Variants in OTOG observed in about 807,000 individuals in gnomAD.
OTOG encodes otogelin.
Under a neutral mutation model 313.8 loss-of-function variants are expected in OTOG, and 296 were observed. That is an observed-to-expected ratio of 0.94 (90% CI 0.86 to 1.04). The LOEUF (loss-of-function observed/expected upper bound fraction) is 1.04, where lower values mean the gene tolerates loss of function less well. Among genes scored for constraint, OTOG ranks in the 50% least tolerant of loss-of-function variants. OTOG has a pLI of 0.00. For synonymous variants in OTOG, 1,533 were observed against 1,554.9 expected (o/e 0.99, Z 0.33); for missense variants, 3,948 against 3,840.1 (o/e 1.03, Z -0.74).
chr11:17,641,767 C>A, intron 51 of OTOG, 80 bp from the exon 52 acceptor site: 1 of 1,020,022 alleles, frequency 9.8e-7, no homozygotes, highest in Non-Finnish European at 1.4e-6. Context: ...GCTCTGGGAT[C>A]CCTCACAGAT....
chr11:17,612,733 G>A lies in OTOG; in HGVS notation c.6406G>A (p.Val2136Ile), dbSNP rs1420960073. Residue 2136 changes from valine (V) to isoleucine (I), a missense_variant, in exon 38 of 56, where the codon GTC becomes ATC. Val to Ile is a conservative substitution (Grantham distance 29). Coordinates refer to ENST00000399397, the MANE Select transcript of OTOG (RefSeq NM_001292063.2). ...LSQSPDEMLT[V>I]HVLDCKSANL... The stretch of plus-strand genomic sequence containing the variant: ...CCAGAGCCCAGATGAAATGCTCACC[G>A]TCCATGTACTGGACTGCAAAAGTGC... 39 of 1,550,440 alleles carry A rather than the reference G, an allele frequency of 2.5e-5. No homozygotes were observed. Among genetic ancestry groups the A allele is most frequent in the Middle Eastern group, 3.3e-4 (2 of 6,014 alleles).
intron 39 of OTOG, among the ~76,000 whole-genome samples, chr11:17,619,516 C>T (rs1027296259): frequency 6.6e-6 from 1 of 151,942 alleles, no homozygotes; most frequent in Non-Finnish European, 1.5e-5. Flanking sequence ...TTAATGACTC[C>T]ATTTCATCTC....
chr11:17,590,542 C>T (rs1332774471), intron 24 of OTOG, among the ~76,000 whole-genome samples: 1 of 152,240 alleles, frequency 6.6e-6, no homozygotes, highest in Non-Finnish European at 1.5e-5. Flanking sequence ...CTTTCTGCTT[C>T]CCCTTGACCG....
In OTOG at chr11:17,569,258, C is replaced by T; in HGVS notation, c.1747C>T (p.Gln583Ter). 2 of 1,550,540 alleles carry T rather than the reference C, an allele frequency of 1.3e-6. No individual in the cohort carries two copies. Among genetic ancestry groups the T allele is most frequent in the Non-Finnish European group, 1.7e-6 (2 of 1,146,996 alleles). Reference protein sequence around the residue: ...TQAGDVLLFDQYKIIPPYTDD... With the variant: ...TQAGDVLLFD Reference sequence around the variant, plus strand: ...GGCAGGGGATGTCCTTCTGTTTGACCAGTACAAGATCATCCCGCCATACAC... The same window carrying T: ...GGCAGGGGATGTCCTTCTGTTTGACTAGTACAAGATCATCCCGCCATACAC... The change falls in exon 16 of 56, where the codon CAG (glutamine) becomes TAG (stop). Residue 583 changes from glutamine (Q) to a stop codon, truncating the protein, a stop_gained. Coordinates refer to ENST00000399397, the MANE Select transcript of OTOG (RefSeq NM_001292063.2). LOFTEE classifies it high-confidence loss of function.
At chr11:17,615,275 A>G (rs1853692250) in intron 39 of OTOG, among the ~76,000 whole-genome samples, 1 of 152,120 alleles carries the variant, frequency 6.6e-6, no homozygotes, top group Non-Finnish European at 1.5e-5. Flanking sequence ...ATCACATATA[A>G]ATCTAATTTT....
chr11:17,550,807 C>T (rs950992788), intron 3 of OTOG, among the ~76,000 whole-genome samples: 12 of 152,298 alleles, frequency 7.9e-5, no homozygotes, highest in Admixed American at 5.9e-4. Context: ...GTAAGGATTG[C>T]TCGGGAGAAC....
At chr11:17,560,981 C>G in intron 13 of OTOG, 110 bp from the exon 14 acceptor site, 1 of 1,316,034 alleles carries the variant, frequency 7.6e-7, no homozygotes, top group Non-Finnish European at 1.1e-6. Flanking sequence ...GAAATCTCTA[C>G]CACCCATTTT....
intron 33 of OTOG, 106 bp from the exon 34 acceptor site, chr11:17,608,190 C>T: frequency 1.4e-6 from 1 of 714,880 alleles, no homozygotes; most frequent in Non-Finnish European, 2.2e-6. Context: ...GCTTTCCCTG[C>T]ATGGGTCCAT....
chr11:17,551,198 A>G (rs1851923042), intron 3 of OTOG, among the ~76,000 whole-genome samples: 1 of 152,138 alleles, frequency 6.6e-6, no homozygotes, highest in African/African-American at 2.4e-5. Context: ...CTAAGGGAGG[A>G]GGAGCCAACT....
chr11:17,638,298 G>A (rs371499165), intron 47 of OTOG, among the ~76,000 whole-genome samples, 153 bp from the exon 48 acceptor site: 54 of 152,286 alleles, frequency 3.5e-4, no homozygotes, highest in African/African-American at 1.2e-3. Context: ...GGGAGACTTC[G>A]GGTGCCCAGA....
At chr11:17,606,639 C>T (rs1279556769) in intron 33 of OTOG, among the ~76,000 whole-genome samples, 3 of 152,232 alleles carry the variant, frequency 2.0e-5, no homozygotes, top group Non-Finnish European at 4.4e-5. Flanking sequence ...CAGGGCCTGC[C>T]CTGCCAGGTG....
chr11:17,557,280 G>T lies in OTOG; in HGVS notation c.822G>T (p.Gly274=). 6.4e-7 allele frequency: 1 copy of T among 1,550,534 alleles called. No homozygotes were observed. Among genetic ancestry groups the T allele is most frequent in the Non-Finnish European group, 8.7e-7 (1 of 1,146,970 alleles). ...ELLGWTHGLC[G]NNNADPKDDL... ...TGGGCTGGACCCATGGGCTGTGTGG[G>T]AACAACAATGCTGACCCCAAGGATG... The change falls in exon 8 of 56, where the codon GGG becomes GGT. Residue 274 remains glycine (G), a synonymous_variant. Transcript: ENST00000399397.
At position 17,632,883 on chromosome 11, in the gene OTOG, T is replaced by C. The variant is rs144817683; in HGVS notation, c.7072+657T>C. ...AAAGAGGAAAAGACAAAAGTCCTCT[T>C]GGGTCGTGTTCTTCAAACTGTGGAT... On this transcript the variant is annotated intron_variant, in intron 42 of 55. Transcript: ENST00000399397. 2.8e-3 allele frequency among the ~76,000 whole-genome samples: 433 copies of C among 152,310 alleles called. 2 individuals carry two copies. Among genetic ancestry groups the C allele is most frequent in the Middle Eastern group, 6.8e-3 (2 of 294 alleles).
At chr11:17,570,908 G>A (rs1852390470) in intron 17 of OTOG, among the ~76,000 whole-genome samples, 1 of 152,034 alleles carries the variant, frequency 6.6e-6, no homozygotes, top group Non-Finnish European at 1.5e-5. Context: ...TTTCCTACCT[G>A]GTACTTGAAG....
intron 39 of OTOG, among the ~76,000 whole-genome samples, chr11:17,616,740 A>G (rs1187805277): frequency 2.0e-5 from 3 of 152,192 alleles, no homozygotes; most frequent in African/African-American, 7.2e-5. Context: ...AACGTTACTA[A>G]GCTCAGTTAT....
chr11:17,591,358 G>A, intron 24 of OTOG, 92 bp from the exon 25 acceptor site: 2 of 1,496,050 alleles, frequency 1.3e-6, no homozygotes, highest in Non-Finnish European at 1.8e-6. Flanking sequence ...GGGACACAGT[G>A]CACATGCATT....
chr11:17,627,894 C>T (rs1017272741), intron 39 of OTOG, among the ~76,000 whole-genome samples: 1 of 152,052 alleles, frequency 6.6e-6, no homozygotes, highest in Non-Finnish European at 1.5e-5. Context: ...TGCTAATGAT[C>T]CTTTGAATTT....
intron 27 of OTOG, 86 bp from the exon 28 acceptor site, chr11:17,593,961 A>G: frequency 6.6e-7 from 1 of 1,514,050 alleles, no homozygotes; most frequent in Non-Finnish European, 8.9e-7. Flanking sequence ...GGTCTATGAT[A>G]GACTCCTGGG....
At position 17,586,572 on chromosome 11, in the gene OTOG, G is replaced by C; in HGVS notation, c.2858G>C (p.Cys953Ser). ...YFPGDQVMSP[C>S]HTCVCQRGSF... ...CCTGGGGACCAGGTGATGTCTCCTT[G>C]CCATACCTGGTAAGTGAGGGTCCCA... The change falls in exon 24 of 56, where the codon TGC becomes TCC. Residue 953 changes from cysteine (C) to serine (S), a missense_variant. By Grantham distance (112) the Cys-to-Ser change is moderately radical (BLOSUM62 -1). Transcript: ENST00000399397. 1 of 1,388,442 alleles carries C rather than the reference G, an allele frequency of 7.2e-7. No individual in the cohort carries two copies. 86.0% of individuals were successfully genotyped at this position (1,388,442 alleles called of 1,614,324 possible).
Sources: allele counts gnomAD v4.1 joint callset (sites outside exome capture counted in the v4.1 genomes callset), GRCh38; gene constraint gnomAD v4.1.1; transcripts MANE v1.5; gene names NCBI Gene and HGNC (gene_info 2026-07-23, HGNC 2026-07-21).